The following SLC27A2 variants were observed in gnomAD, a reference collection of about 807,000 sequenced individuals.
SLC27A2 encodes long-chain fatty acid transport protein 2.
In SLC27A2, 54 loss-of-function variants were observed where a neutral mutation model predicts 60.0. The ratio of observed to expected loss-of-function variants is 0.90; its 90% CI spans 0.72 to 1.13. The LOEUF is 1.13. Among genes scored for constraint, SLC27A2 ranks in the 50% most tolerant of loss-of-function variants. The probability of loss-of-function intolerance (pLI) is 0.00; values close to 1 mark genes in which losing one functional copy is unlikely to be tolerated. For missense variants in SLC27A2, 739 were observed against 777.6 expected, an observed-to-expected ratio of 0.95 and a Z score of 0.59; for synonymous variants, 297 against 297.6, an observed-to-expected ratio of 1.00 and a Z score of 0.02.
chr15:50,222,109 CA>C (rs1374086713), intron 4 of SLC27A2: 1 of 152,246 alleles, frequency 6.6e-6, no homozygotes, highest in Non-Finnish European at 1.5e-5. Context: ...GTCATAGCCC[CA>C]CCTCTCTTGC....
At chr15:50,208,203 G>A (rs1174987870) in intron 4 of SLC27A2, among the ~76,000 whole-genome samples, 2 of 152,142 alleles carry the variant, frequency 1.3e-5, no homozygotes, top group African/African-American at 4.8e-5. Flanking sequence ...GGCCAGTGTT[G>A]GGAGGTAGAA....
rs142458810 is a variant in SLC27A2, at chr15:50,200,954, T to C, written c.689-1533T>C. ...GGAGAATGAATGGGGACAGCCCTTA[T>C]AACTGGCAATGTGGAAGTTATCTAT... On this transcript the variant is annotated intron_variant, in intron 2 of 9. Coordinates refer to ENST00000267842, the MANE Select transcript of SLC27A2 (RefSeq NM_003645.4). 4.6e-5 allele frequency among the ~76,000 whole-genome samples: 7 copies of C among 152,338 alleles called. 1 individual carries two copies. The East Asian group carries it at 1.3e-3, about 29-fold the overall frequency.
intron 4 of SLC27A2, among the ~76,000 whole-genome samples, chr15:50,210,781 CG>C (rs1322590181): frequency 5.3e-5 from 8 of 152,288 alleles, no homozygotes; most frequent in Admixed American, 2.0e-4. Flanking sequence ...GAAACAGACT[CG>C]GGGCCGTTGA....
intron 8 of SLC27A2, among the ~76,000 whole-genome samples, chr15:50,230,363 C>T (rs1381748647): frequency 6.6e-6 from 1 of 151,732 alleles, no homozygotes; most frequent in Non-Finnish European, 1.5e-5. Flanking sequence ...GCCAACATGG[C>T]AAAACTTAGT....
At position 50,182,209 on chromosome 15, in the gene SLC27A2, A is replaced by C; in HGVS notation, c.-219A>C. 2 of 612,544 alleles carry C rather than the reference A, an allele frequency of 3.3e-6. No homozygotes were observed. Among genetic ancestry groups the C allele is most frequent in the Non-Finnish European group, 4.6e-6 (2 of 432,134 alleles). 37.9% of individuals were successfully genotyped at this position (612,544 alleles called of 1,614,324 possible). A position where few individuals can be genotyped will look rare whatever the true frequency, so the allele number is the denominator to read the frequency against. Reference sequence around the variant, plus strand: ...GCTCAGCCGGCCAGTCCTGCCCGGAACCCCCGGCAACGCGCATACGACTAC... The same window carrying C: ...GCTCAGCCGGCCAGTCCTGCCCGGACCCCCCGGCAACGCGCATACGACTAC... On this transcript the variant is annotated 5_prime_UTR_variant, in exon 1 of 10. Coordinates refer to ENST00000267842, the MANE Select transcript of SLC27A2 (RefSeq NM_003645.4).
At chr15:50,205,396 A>G in intron 4 of SLC27A2, 33 bp downstream of exon 4, 1 of 1,582,680 alleles carries the variant, frequency 6.3e-7, no homozygotes, top group Non-Finnish European at 8.6e-7. Flanking sequence ...ATCATTTTGA[A>G]ATGGGTAAGA....
rs113283210 is a variant in SLC27A2 at position 50,218,027 on chromosome 15, C to A, written c.973-4938C>A. ...CGAGATTGCACCATTGCACTCCAGC[C>A]TGGGTGACAGGGCGAGAGGCGAGAC... On this transcript the variant is annotated intron_variant, in intron 4 of 9. Transcript: ENST00000267842. 3.0e-3 allele frequency among the ~76,000 whole-genome samples: 381 copies of A among 126,708 alleles called. 1 individual carries two copies. Among genetic ancestry groups the A allele is most frequent in the African/African-American group, 0.011 (367 of 33,244 alleles). The allele number at this position is 126,708 out of a possible 152,430, so 83.1% of individuals were successfully genotyped here.
intron 4 of SLC27A2, among the ~76,000 whole-genome samples, chr15:50,208,094 A>G (rs1255878272): frequency 1.3e-5 from 2 of 152,206 alleles, no homozygotes; most frequent in East Asian, 3.9e-4. Flanking sequence ...ACCCCCAAGC[A>G]CTGGATGCCA....
rs2044879259 is a variant in SLC27A2, at chr15:50,182,966, C to G, written c.478+61C>G. Reference sequence around the variant, plus strand: ...GCTTCTCGGCGCCTTGACTGACGAGCCACAGCGTGGCATAAGGGGTTCGCA... The same window carrying G: ...GCTTCTCGGCGCCTTGACTGACGAGGCACAGCGTGGCATAAGGGGTTCGCA... On this transcript the variant is annotated intron_variant, in intron 1 of 9. Coordinates refer to ENST00000267842, the MANE Select transcript of SLC27A2 (RefSeq NM_003645.4). The G allele has an allele frequency of 3.3e-6, 5 of 1,515,434 alleles. No homozygotes were observed. The Admixed American group carries it at 9.5e-5, about 29-fold the overall frequency. The allele number at this position is 1,515,434 out of a possible 1,614,324, so 93.9% of individuals were successfully genotyped here.
At position 50,235,962 on chromosome 15, in the gene SLC27A2, A is replaced by G. The variant is rs567735792; in HGVS notation, c.1729A>G (p.Thr577Ala). Residue 577 changes from threonine to alanine, a missense_variant, in exon 10 of 10, where the codon ACC becomes GCC. Thr to Ala is a moderately conservative substitution (Grantham distance 58, BLOSUM62 0). Transcript: ENST00000267842. ...ITGTFKHRKM[T>A]LVEEGFNPAV... is the part of the protein sequence containing the mutation. The stretch of plus-strand genomic sequence containing the variant: ...TGGAACTTTTAAACACCGCAAAATG[A>G]CCCTGGTGGAGGAGGGCTTTAACCC... The G allele has an allele frequency of 4.5e-5, 73 of 1,613,538 alleles. No individual in the cohort carries two copies. Among genetic ancestry groups the G allele is most frequent in the Non-Finnish European group, 5.8e-5 (68 of 1,179,872 alleles).
intron 1 of SLC27A2, among the ~76,000 whole-genome samples, chr15:50,183,994 C>CTTGTTTTTTTTTTTTT (rs2044897549): frequency 1.1e-5 from 1 of 91,138 alleles, no homozygotes; most frequent in African/African-American, 3.7e-5. Flanking sequence ...TTTCCTACAT[C>CTTGTTTTTTTTTTTTT]TTTTTTTTTT....
At chr15:50,203,486 A>G (rs1156789532) in intron 3 of SLC27A2, among the ~76,000 whole-genome samples, 2 of 152,158 alleles carry the variant, frequency 1.3e-5, no homozygotes, top group Non-Finnish European at 2.9e-5. Context: ...TGTCACTTGT[A>G]TACATTACCG....
chr15:50,186,650 G>A (rs1001211313), intron 1 of SLC27A2, among the ~76,000 whole-genome samples: 3 of 152,136 alleles, frequency 2.0e-5, no homozygotes, highest in South Asian at 2.1e-4. Flanking sequence ...TGTTGGCCAG[G>A]ATGATCTCCA....
intron 6 of SLC27A2, among the ~76,000 whole-genome samples, chr15:50,226,680 C>T (rs1241893658): frequency 2.0e-5 from 3 of 151,880 alleles, no homozygotes; most frequent in South Asian, 2.1e-4. Flanking sequence ...TGCAGTGAGC[C>T]GAGACTGCAC....
At chr15:50,185,827 C>T (rs1296820447) in intron 1 of SLC27A2, among the ~76,000 whole-genome samples, 2 of 151,716 alleles carry the variant, frequency 1.3e-5, no homozygotes, top group Non-Finnish European at 2.9e-5. Flanking sequence ...GGCAGGGTTT[C>T]ACCGTGTTAG....
In SLC27A2 at chr15:50,182,543, T is replaced by C; in HGVS notation, c.116T>C (p.Val39Ala). Residue 39 changes from valine (V) to alanine (A), a missense_variant, in exon 1 of 10, where the codon GTG (valine) becomes GCG (alanine). Physicochemically the swap from Val to Ala is moderately conservative, Grantham distance 64 (BLOSUM62 0). Coordinates refer to ENST00000267842, the MANE Select transcript of SLC27A2 (RefSeq NM_003645.4). The stretch of plus-strand genomic sequence containing the variant: ...GGCTACTTCTTGAAGGTGGCCGCCG[T>C]GGGCCGGAGGGTGCGCAGCTACGGG... ...DIGYFLKVAA[V>A]GRRVRSYGKR... is the part of the protein sequence containing the mutation. 1.2e-6 allele frequency: 2 copies of C among 1,612,956 alleles called. No homozygotes were observed. Among genetic ancestry groups the C allele is most frequent in the Non-Finnish European group, 1.7e-6 (2 of 1,179,484 alleles).
intron 1 of SLC27A2, among the ~76,000 whole-genome samples, chr15:50,196,849 T>G (rs764041582): frequency 2.0e-5 from 3 of 152,208 alleles, no homozygotes; most frequent in Non-Finnish European, 4.4e-5. Context: ...TACTGATGCA[T>G]AAGAAAAAAT....
At chr15:50,215,274 T>A (rs1444593337) in intron 4 of SLC27A2, among the ~76,000 whole-genome samples, 1 of 152,080 alleles carries the variant, frequency 6.6e-6, no homozygotes, top group African/African-American at 2.4e-5. Flanking sequence ...TCAAAAGGCC[T>A]CTACATAAAA....
At chr15:50,194,341 G>A (rs2554886) in intron 1 of SLC27A2, among the ~76,000 whole-genome samples, 129,720 of 151,766 alleles carry the variant, frequency 0.85, 56,046 homozygotes, top group East Asian at 0.95. Flanking sequence ...GGGGGTGAGA[G>A]ACCATGAAAC....
Sources: gnomAD v4.1 joint callset for allele counts (sites outside exome capture counted in the v4.1 genomes callset) on GRCh38, gnomAD v4.1.1 for gene constraint, MANE v1.5 for transcripts, NCBI Gene and HGNC (gene_info 2026-07-23, HGNC 2026-07-21) for gene names.